The following MLLT10 variants were observed in gnomAD, a reference collection of about 807,000 sequenced individuals.
MLLT10 encodes protein AF-10.
Under a neutral mutation model 129.1 loss-of-function variants are expected in MLLT10, and 30 were observed. The observed-to-expected ratio is 0.23, with a 90% CI of 0.17 to 0.32. The LOEUF (loss-of-function observed/expected upper bound fraction) is 0.32. Ranked by LOEUF, MLLT10 falls within the 10% of genes least tolerant of loss-of-function variation. The probability of loss-of-function intolerance (pLI) is 1.00; values close to 1 mark genes in which losing one functional copy is unlikely to be tolerated. For synonymous variants in MLLT10, 490 were observed against 446.4 expected (o/e 1.10, Z -1.23); for missense variants, 1,119 against 1,268.3 (o/e 0.88, Z 1.79).
At chr10:21,672,394 A>G (rs1477411150) in intron 10 of MLLT10, among the ~76,000 whole-genome samples, 1 of 151,928 alleles carries the variant, frequency 6.6e-6, no homozygotes, top group Non-Finnish European at 1.5e-5. Flanking sequence ...TGCCCAGCTC[A>G]TTTTTAAATT....
intron 3 of MLLT10, among the ~76,000 whole-genome samples, chr10:21,562,809 G>GTTTC (rs2039001740): frequency 1.3e-5 from 1 of 76,606 alleles, no homozygotes; most frequent in East Asian, 3.4e-4. Context: ...CATATACTTT[G>GTTTC]TTTTTTTTGT....
intron 5 of MLLT10, among the ~76,000 whole-genome samples, chr10:21,607,510 CG>C (rs1295009174): frequency 1.3e-5 from 2 of 151,782 alleles, no homozygotes; most frequent in Non-Finnish European, 2.9e-5. Flanking sequence ...AGTAGATACA[CG>C]GTTTCTCCAT....
At chr10:21,695,283 C>T (rs2054257478) in intron 13 of MLLT10, among the ~76,000 whole-genome samples, 1 of 152,130 alleles carries the variant, frequency 6.6e-6, no homozygotes, top group Non-Finnish European at 1.5e-5. Context: ...AAGTGAGCCA[C>T]TGCACTCAGC....
In MLLT10 at chr10:21,673,344, C is replaced by G; in HGVS notation, c.1052-6C>G. 1 of 403,210 alleles carries G rather than the reference C, an allele frequency of 2.5e-6. No homozygotes were observed. Among genetic ancestry groups the G allele is most frequent in the Non-Finnish European group, 3.5e-6 (1 of 285,512 alleles). 25.0% of individuals were successfully genotyped at this position (403,210 alleles called of 1,614,324 possible). ...TTTTTTTTTTTTTTTTTTTTTTAAA[C>G]TACAGGCAGTTTTTCAGGAACTCCA... On this transcript the variant is annotated splice_polypyrimidine_tract_variant and splice_region_variant and intron_variant, in intron 10 of 22. Transcript: ENST00000307729.
At chr10:21,537,386 C>T (rs2034236995) in intron 2 of MLLT10, among the ~76,000 whole-genome samples, 1 of 152,096 alleles carries the variant, frequency 6.6e-6, no homozygotes, top group Non-Finnish European at 1.5e-5. Flanking sequence ...CAGCCTCTAC[C>T]TCCCGGGTTC....
rs980724124 is a variant in MLLT10 at position 21,588,362 on chromosome 10, C to T, written c.295+2014C>T. Reference sequence around the variant, plus strand: ...GATTACAGGTGTGAGTCACTGCACCCGGCATGAACAGTTTATCTTGTTTCA... The same window carrying T: ...GATTACAGGTGTGAGTCACTGCACCTGGCATGAACAGTTTATCTTGTTTCA... On this transcript the variant is annotated intron_variant, in intron 4 of 22. Coordinates refer to ENST00000307729, the MANE Select transcript of MLLT10 (RefSeq NM_001195626.3). 7.2e-5 allele frequency among the ~76,000 whole-genome samples: 11 copies of T among 152,134 alleles called. No individual in the cohort carries two copies. The East Asian group carries it at 7.7e-4, about 11-fold the overall frequency.
At chr10:21,654,799 A>G (rs2049388261) in intron 9 of MLLT10, among the ~76,000 whole-genome samples, 1 of 152,178 alleles carries the variant, frequency 6.6e-6, no homozygotes, top group Non-Finnish European at 1.5e-5. Context: ...GGATCATTAT[A>G]TTTAAACCCA....
At position 21,713,963 on chromosome 10, in the gene MLLT10, A is replaced by G. The variant is rs977637575; in HGVS notation, c.1878+13A>G. On this transcript the variant is annotated intron_variant, in intron 14 of 22. Coordinates refer to ENST00000307729, the MANE Select transcript of MLLT10 (RefSeq NM_001195626.3). ...TGCTACAACTCAGGTAAGTTGTTAC[A>G]CTATCATGTGACAGGTAATAGGTGG... is the stretch of plus-strand genomic sequence containing the variant. 116 of 1,599,714 alleles carry G rather than the reference A, an allele frequency of 7.3e-5. No homozygotes were observed. Among genetic ancestry groups the G allele is most frequent in the Non-Finnish European group, 9.5e-5 (112 of 1,173,380 alleles).
intron 13 of MLLT10, among the ~76,000 whole-genome samples, chr10:21,710,155 G>T (rs1395995981): frequency 2.0e-5 from 3 of 152,096 alleles, no homozygotes; most frequent in Non-Finnish European, 4.4e-5. Flanking sequence ...TGTTATTTAG[G>T]GTTCTGTCTT....
chr10:21,602,513 C>T (rs963866496), intron 5 of MLLT10, among the ~76,000 whole-genome samples: 1 of 152,066 alleles, frequency 6.6e-6, no homozygotes, highest in Non-Finnish European at 1.5e-5. Context: ...CAAAGGAATG[C>T]ATGTTAGTTG....
upstream of MLLT10, among the ~76,000 whole-genome samples, chr10:21,533,911 C>T (rs2033266860): frequency 6.6e-6 from 1 of 152,156 alleles, no homozygotes. Flanking sequence ...AAACCCCTTC[C>T]CAGCCCTGGG....
chr10:21,705,503 A>G (rs575072103), intron 13 of MLLT10, among the ~76,000 whole-genome samples: 2 of 152,276 alleles, frequency 1.3e-5, no homozygotes, highest in East Asian at 3.9e-4. Flanking sequence ...CAGAATGTTC[A>G]GGTAGCCGGG....
chr10:21,709,054 G>A (rs1324221471), intron 13 of MLLT10, among the ~76,000 whole-genome samples: 1 of 152,132 alleles, frequency 6.6e-6, no homozygotes, highest in Non-Finnish European at 1.5e-5. Context: ...TTGATTAAGG[G>A]TCATGTAGGT....
At chr10:21,660,027 G>A (rs1011087333) in intron 9 of MLLT10, among the ~76,000 whole-genome samples, 1 of 152,026 alleles carries the variant, frequency 6.6e-6, no homozygotes, top group Non-Finnish European at 1.5e-5. Context: ...CCGGGCTGGA[G>A]TGCAGTGGCT....
chr10:21,655,644 A>G (rs1013571953), intron 9 of MLLT10, among the ~76,000 whole-genome samples: 3 of 152,138 alleles, frequency 2.0e-5, no homozygotes, highest in African/African-American at 7.2e-5. Context: ...GATGAGACCT[A>G]ATGGTTGCTA....
intron 20 of MLLT10, among the ~76,000 whole-genome samples, chr10:21,734,503 A>G (rs1343621449): frequency 6.6e-6 from 1 of 152,208 alleles, no homozygotes; most frequent in Non-Finnish European, 1.5e-5. Context: ...GTTCTAATCA[A>G]AGATTTTGAT....
At chr10:21,568,608 T>TA (rs1187792039) in intron 3 of MLLT10, among the ~76,000 whole-genome samples, 1 of 152,238 alleles carries the variant, frequency 6.6e-6, no homozygotes, top group Non-Finnish European at 1.5e-5. Flanking sequence ...TCTTTTTTTT[T>TA]ACCCCTTGGT....
At chr10:21,658,932 C>G (rs1459741215) in intron 9 of MLLT10, among the ~76,000 whole-genome samples, 2 of 152,148 alleles carry the variant, frequency 1.3e-5, no homozygotes, top group Non-Finnish European at 2.9e-5. Flanking sequence ...TCCCAAAGTG[C>G]TGGGATTACA....
intron 13 of MLLT10, among the ~76,000 whole-genome samples, chr10:21,687,169 A>G (rs2053388687): frequency 6.6e-6 from 1 of 152,178 alleles, no homozygotes; most frequent in Non-Finnish European, 1.5e-5. Flanking sequence ...AATGTTAACC[A>G]GTTATTCATA....
Sources: gnomAD v4.1 joint callset for allele counts (sites outside exome capture counted in the v4.1 genomes callset) on GRCh38, gnomAD v4.1.1 for gene constraint, MANE v1.5 for transcripts, NCBI Gene and HGNC (gene_info 2026-07-23, HGNC 2026-07-21) for gene names.